The following CADM1 variants were observed in gnomAD, a reference collection of about 807,000 sequenced individuals.
CADM1 encodes the protein cell adhesion molecule 1.
In CADM1, 15 loss-of-function variants were observed where a neutral mutation model predicts 53.1. That is an observed-to-expected ratio of 0.28 (90% CI 0.19 to 0.44). The LOEUF (loss-of-function observed/expected upper bound fraction) is 0.44, where lower values mean the gene tolerates loss of function less well. Among genes scored for constraint, CADM1 ranks in the 20% least tolerant of loss-of-function variants. The pLI, the probability that CADM1 is intolerant of heterozygous loss-of-function variation, is 1.00. For synonymous variants in CADM1, 281 were observed against 243.0 expected (o/e 1.16, Z -1.45); for missense variants, 434 against 611.3 (o/e 0.71, Z 3.06).
intron 1 of CADM1, among the ~76,000 whole-genome samples, chr11:115,340,656 A>ATTTTTTTTT (rs1365807207): frequency 1.3e-4 from 7 of 52,332 alleles, no homozygotes; most frequent in South Asian, 8.5e-4. Flanking sequence ...ATATATATAT[A>ATTTTTTTTT]TATTTTTTTT....
rs73581169 is a variant in CADM1, at chr11:115,462,891, A to G, written c.124+41380T>C. On this transcript the variant is annotated intron_variant, in intron 1 of 11. Transcript: ENST00000331581. ...AAAGGCAGTGGGATCAAGAATAGAAAGGGGAGAAAGAAGGAAAGGGGATGA... is the reference window on the plus strand; with the variant it reads ...AAAGGCAGTGGGATCAAGAATAGAAGGGGGAGAAAGAAGGAAAGGGGATGA... Among the ~76,000 whole-genome samples, 847 of 152,260 alleles carry G rather than the reference A, an allele frequency of 5.6e-3. 6 individuals carry two copies. The highest frequency in any genetic ancestry group is 0.02 in the African/African-American group (820 of 41,552).
chr11:115,441,975 A>G (rs1314364007), intron 1 of CADM1, among the ~76,000 whole-genome samples: 1 of 152,148 alleles, frequency 6.6e-6, no homozygotes, highest in African/African-American at 2.4e-5. Flanking sequence ...TAGGCACCCA[A>G]AATTCTATGA....
At chr11:115,355,720 AC>A (rs1945851078) in intron 1 of CADM1, among the ~76,000 whole-genome samples, 1 of 53,124 alleles carries the variant, frequency 1.9e-5, no homozygotes, top group African/African-American at 3.8e-5. Context: ...ACACACACAC[AC>A]ACACACACAC....
chr11:115,501,152 C>T (rs1218404987), intron 1 of CADM1, among the ~76,000 whole-genome samples: 2 of 152,146 alleles, frequency 1.3e-5, no homozygotes, highest in African/African-American at 4.8e-5. Context: ...AAGCTTGTCT[C>T]GTCACACAAG....
At chr11:115,358,413 G>C (rs940343115) in intron 1 of CADM1, among the ~76,000 whole-genome samples, 2 of 152,158 alleles carry the variant, frequency 1.3e-5, no homozygotes, top group African/African-American at 4.8e-5. Flanking sequence ...ACAGACAAGA[G>C]AGAAGAACAG....
In CADM1 at chr11:115,231,362, C is replaced by T; in HGVS notation, c.553G>A (p.Glu185Lys). ...GCAATCTGCAGCTTACCTTTTAGCT[C>T]TGTGTTCCCTTTGAACCACCTGATA... ...TTIRWFKGNT[E>K]LKGKSEVEEW... The change falls in exon 4 of 12, where the codon GAG (glutamate) becomes AAG (lysine). Residue 185 changes from glutamate (E) to lysine (K), a missense_variant. By Grantham distance (56) the Glu-to-Lys change is moderately conservative. Transcript: ENST00000331581. The T allele has an allele frequency of 6.2e-7, 1 of 1,614,150 alleles. No individual in the cohort carries two copies. Among genetic ancestry groups the T allele is most frequent in the Non-Finnish European group, 8.5e-7 (1 of 1,179,994 alleles).
intron 1 of CADM1, among the ~76,000 whole-genome samples, chr11:115,328,735 T>TATATACGCGTATATATATGTATATAC (rs1945049138): frequency 8.1e-6 from 1 of 124,220 alleles, no homozygotes; most frequent in Non-Finnish European, 1.7e-5. Flanking sequence ...TGTATATACA[T>TATATACGCGTATATATATGTATATAC]ATATATATAT....
chr11:115,465,012 A>G (rs988704997), intron 1 of CADM1, among the ~76,000 whole-genome samples: 1 of 152,228 alleles, frequency 6.6e-6, no homozygotes, highest in Non-Finnish European at 1.5e-5. Context: ...GCTATTTAAA[A>G]TATACACAAC....
At chr11:115,219,852 CA>C (rs900404010) in intron 5 of CADM1, among the ~76,000 whole-genome samples, 4 of 151,458 alleles carry the variant, frequency 2.6e-5, no homozygotes, top group South Asian at 2.1e-4. Flanking sequence ...AAAAAAGATA[CA>C]AAAAAAATGA....
chr11:115,240,221 A>G, intron 2 of CADM1, 53 bp downstream of exon 2: 1 of 1,580,964 alleles, frequency 6.3e-7, no homozygotes, highest in East Asian at 2.2e-5. Flanking sequence ...CTTTATCAAG[A>G]CAACATGTAG....
Position 115,327,348 on chromosome 11 carries a change from C to T in CADM1, c.125-86928G>A, listed in dbSNP as rs1312667990. On this transcript the variant is annotated intron_variant, in intron 1 of 11. Coordinates refer to ENST00000331581, the MANE Select transcript of CADM1 (RefSeq NM_001301043.2). Reference sequence around the variant, plus strand: ...ATTTTCCAGCAGATAAAACCTCCTGCAAGGCTGGCACTTGCGGGATGCTGC... The same window carrying T: ...ATTTTCCAGCAGATAAAACCTCCTGTAAGGCTGGCACTTGCGGGATGCTGC... Among the ~76,000 whole-genome samples, 3 of 152,158 alleles carry T rather than the reference C, an allele frequency of 2.0e-5. No individual in the cohort carries two copies. The East Asian group carries it at 5.8e-4, about 29-fold the overall frequency.
At chr11:115,490,751 T>G (rs755009976) in intron 1 of CADM1, among the ~76,000 whole-genome samples, 2 of 152,036 alleles carry the variant, frequency 1.3e-5, no homozygotes, top group Non-Finnish European at 2.9e-5. Flanking sequence ...AAAATGCAGT[T>G]AAGTGTTTAA....
chr11:115,340,756 G>A (rs1213932398), intron 1 of CADM1, among the ~76,000 whole-genome samples: 2 of 145,180 alleles, frequency 1.4e-5, no homozygotes, highest in Non-Finnish European at 3.0e-5. Flanking sequence ...TGCCTCCCGG[G>A]TTCAAGACAT....
chr11:115,174,225 G>A lies in CADM1; in HGVS notation c.*2249C>T. 1 of 984,870 alleles carries A rather than the reference G, an allele frequency of 1.0e-6. No homozygotes were observed. Among genetic ancestry groups the A allele is most frequent in the South Asian group, 4.7e-5 (1 of 21,264 alleles). The allele number at this position is 984,870 out of a possible 1,614,324, so 61.0% of individuals were successfully genotyped here. ...CACTTTTCAAAACAGAAAGATGGGA[G>A]GTCCCAAAAATGAGATGCCAATTCT... On this transcript the variant is annotated 3_prime_UTR_variant, in exon 12 of 12. Coordinates refer to ENST00000331581, the MANE Select transcript of CADM1 (RefSeq NM_001301043.2).
chr11:115,292,635 G>A (rs1161816334), intron 1 of CADM1, among the ~76,000 whole-genome samples: 2 of 152,144 alleles, frequency 1.3e-5, no homozygotes, highest in Non-Finnish European at 2.9e-5. Flanking sequence ...GATATACCAA[G>A]TCATTATCAC....
chr11:115,427,007 G>C (rs1011738900), intron 1 of CADM1, among the ~76,000 whole-genome samples: 3 of 152,012 alleles, frequency 2.0e-5, no homozygotes, highest in Non-Finnish European at 4.4e-5. Flanking sequence ...CTTTAGTTTT[G>C]TTCCATAGGA....
rs1463743186 is a variant in CADM1, at chr11:115,325,287, C to T, written c.125-84867G>A. On this transcript the variant is annotated intron_variant, in intron 1 of 11. Transcript: ENST00000331581. ...AGCATCAACGTGAACTCTAGGAGCA[C>T]GTCCCAGACGTGCATCTCCTGGAGG... is the stretch of plus-strand genomic sequence containing the variant. 7.2e-5 allele frequency among the ~76,000 whole-genome samples: 11 copies of T among 152,218 alleles called. No homozygotes were observed. The South Asian group carries it at 1.2e-3, about 17-fold the overall frequency.
chr11:115,428,716 C>T (rs1293025700), intron 1 of CADM1, among the ~76,000 whole-genome samples: 2 of 151,862 alleles, frequency 1.3e-5, no homozygotes, highest in Non-Finnish European at 2.9e-5. Context: ...GTAGAGATAT[C>T]ATTTTAAAGG....
intron 1 of CADM1, among the ~76,000 whole-genome samples, chr11:115,290,835 C>T (rs934628696): frequency 1.7e-4 from 26 of 152,142 alleles, no homozygotes; most frequent in Non-Finnish European, 2.2e-4. Flanking sequence ...TTAGAGTTCA[C>T]AAGTGTCATA....
Sources: gnomAD v4.1 joint callset for allele counts (sites outside exome capture counted in the v4.1 genomes callset) on GRCh38, gnomAD v4.1.1 for gene constraint, MANE v1.5 for transcripts, NCBI Gene and HGNC (gene_info 2026-07-23, HGNC 2026-07-21) for gene names.